The following KLHDC2 variants were observed in gnomAD, a reference collection of about 807,000 sequenced individuals.
KLHDC2 encodes the protein kelch domain-containing protein 2.
A neutral mutation model predicts 62.3 loss-of-function variants in KLHDC2; 38 were observed. The observed-to-expected ratio is 0.61, with a 90% confidence interval of 0.47 to 0.80. The LOEUF is 0.80. KLHDC2 is among the 30% of genes least tolerant of loss of function. The probability of loss-of-function intolerance (pLI) is 0.00; values close to 1 mark genes in which losing one functional copy is unlikely to be tolerated. For synonymous variants in KLHDC2, 159 were observed against 161.0 expected, an observed-to-expected ratio of 0.99 and a Z score of 0.09; for missense variants, 430 against 495.3, an observed-to-expected ratio of 0.87 and a Z score of 1.25.
intron 3 of KLHDC2, among the ~76,000 whole-genome samples, 192 bp from the exon 4 acceptor site, chr14:49,777,647 T>G (rs1242650751): frequency 6.6e-6 from 1 of 152,026 alleles, no homozygotes; most frequent in Non-Finnish European, 1.5e-5. Context: ...GCGTGCTTAG[T>G]GACTTAGGAA....
Position 49,780,341 on chromosome 14 carries a change from T to G in KLHDC2, c.883+19T>G. On this transcript the variant is annotated intron_variant, in intron 9 of 12. Coordinates refer to ENST00000298307, the MANE Select transcript of KLHDC2 (RefSeq NM_014315.3). ...CCACTAAGTAAGTCCTTGAAAAATATGATAATGAAATCATCATATATCATC... is the reference window on the plus strand; with the variant it reads ...CCACTAAGTAAGTCCTTGAAAAATAGGATAATGAAATCATCATATATCATC... 1 of 1,419,376 alleles carries G rather than the reference T, an allele frequency of 7.0e-7. No individual in the cohort carries two copies. The highest frequency in any genetic ancestry group is 1.0e-6 in the Non-Finnish European group (1 of 1,002,582). 87.9% of individuals were successfully genotyped at this position (1,419,376 alleles called of 1,614,324 possible). A position where few individuals can be genotyped will look rare whatever the true frequency, so the allele number is the denominator to read the frequency against.
chr14:49,773,413 CAA>C (rs34740472), intron 2 of KLHDC2, among the ~76,000 whole-genome samples: 1 of 70,126 alleles, frequency 1.4e-5, no homozygotes, highest in Non-Finnish European at 2.5e-5. Context: ...GACTCCATCT[CAA>C]AAAAAAAAAA....
At chr14:49,777,440 G>T (rs1889795620) in intron 3 of KLHDC2, among the ~76,000 whole-genome samples, 1 of 152,080 alleles carries the variant, frequency 6.6e-6, no homozygotes, top group African/African-American at 2.4e-5. Flanking sequence ...AAAATGTACG[G>T]CTGTCTTAGC....
In KLHDC2 at chr14:49,785,012, T is replaced by C; in HGVS notation, c.*2059T>C. Reference sequence around the variant, plus strand: ...TCAAGGCTGTTTTTGCAGCTGTAAATACAAAAAAGAGTAAGAATAATCTAC... The same window carrying C: ...TCAAGGCTGTTTTTGCAGCTGTAAACACAAAAAAGAGTAAGAATAATCTAC... On this transcript the variant is annotated 3_prime_UTR_variant, in exon 13 of 13. Coordinates refer to ENST00000298307, the MANE Select transcript of KLHDC2 (RefSeq NM_014315.3). 6.2e-7 allele frequency: 1 copy of C among 1,612,356 alleles called. No homozygotes were observed. The highest frequency in any genetic ancestry group is 8.5e-7 in the Non-Finnish European group (1 of 1,178,714).
At chr14:49,781,301 A>C (rs1434418003) in intron 10 of KLHDC2, among the ~76,000 whole-genome samples, 1 of 145,492 alleles carries the variant, frequency 6.9e-6, no homozygotes, top group Non-Finnish European at 1.5e-5. Context: ...CCAGGAAGGC[A>C]GAGGTTGCAG....
intron 2 of KLHDC2, among the ~76,000 whole-genome samples, chr14:49,773,924 A>G (rs1402993524): frequency 6.6e-6 from 1 of 152,252 alleles, no homozygotes; most frequent in African/African-American, 2.4e-5. Context: ...TTTTAAGTTT[A>G]GCAAAGATAA....
At chr14:49,781,150 A>G (rs1889891421) in intron 10 of KLHDC2, among the ~76,000 whole-genome samples, 1 of 152,066 alleles carries the variant, frequency 6.6e-6, no homozygotes, top group African/African-American at 2.4e-5. Context: ...AGGCAGGTGG[A>G]TCACCTGAGG....
Position 49,783,167 on chromosome 14 carries a change from T to A in KLHDC2, c.*214T>A. 2.7e-6 allele frequency: 1 copy of A among 370,058 alleles called. No individual in the cohort carries two copies. The highest frequency in any genetic ancestry group is 4.8e-6 in the Non-Finnish European group (1 of 209,758). 22.9% of individuals were successfully genotyped at this position (370,058 alleles called of 1,614,324 possible). A position where few individuals can be genotyped will look rare whatever the true frequency, so the allele number is the denominator to read the frequency against. On this transcript the variant is annotated 3_prime_UTR_variant, in exon 13 of 13. Coordinates refer to ENST00000298307, the MANE Select transcript of KLHDC2 (RefSeq NM_014315.3). ...GCTGTCCTCTATTAAAGTAAAGTAA[T>A]GGTTGGGCTTTTTACCCTGAAGAAT...
chr14:49,768,942 T>C, intron 1 of KLHDC2: 1 of 294,904 alleles, frequency 3.4e-6, no homozygotes, highest in Non-Finnish European at 6.3e-6. Flanking sequence ...GGGCGGTGCA[T>C]TCGGAAGGGT....
chr14:49,768,596 A>G lies in KLHDC2; in HGVS notation c.128A>G (p.His43Arg). The G allele has an allele frequency of 1.2e-6, 2 of 1,601,004 alleles. No homozygotes were observed. Among genetic ancestry groups the G allele is most frequent in the Non-Finnish European group, 1.7e-6 (2 of 1,174,868 alleles). Residue 43 changes from histidine to arginine, a missense_variant, in exon 1 of 13, where the codon CAC becomes CGC. Transcript: ENST00000298307. ...CACGTAGCCGTCAGCGACGGGCGCC[A>G]CATGTTCGTCTGGGGCGGCTACAAG... Reference protein sequence around the residue: ...SGHVAVSDGRHMFVWGGYKSN... With the variant: ...SGHVAVSDGRRMFVWGGYKSN...
chr14:49,774,754 T>G, intron 3 of KLHDC2, 76 bp downstream of exon 3: 1 of 879,156 alleles, frequency 1.1e-6, no homozygotes, highest in Non-Finnish European at 1.9e-6. Context: ...ATTTCTAAGG[T>G]TAGCCCCAGA....
rs527450591 is a variant in KLHDC2, at chr14:49,771,310, G to A, written c.154-284G>A. Reference sequence around the variant, plus strand: ...ATTGCAGTGAGCCAGCCAAGATTGCGCCACTGCACTCCATCCTGAGCAATA... The same window carrying A: ...ATTGCAGTGAGCCAGCCAAGATTGCACCACTGCACTCCATCCTGAGCAATA... On this transcript the variant is annotated intron_variant, in intron 1 of 12. Coordinates refer to ENST00000298307, the MANE Select transcript of KLHDC2 (RefSeq NM_014315.3). Among the ~76,000 whole-genome samples, 274 of 151,226 alleles carry A rather than the reference G, an allele frequency of 1.8e-3. 1 individual carries two copies. Among genetic ancestry groups the A allele is most frequent in the African/African-American group, 6.3e-3 (261 of 41,120 alleles).
In KLHDC2 at chr14:49,784,677, T is replaced by G. The variant is rs1357534492; in HGVS notation, c.*1724T>G. Reference sequence around the variant, plus strand: ...TTCAGAAGATTGGGTGCAGACACTTTCACTTTGCCAGGAATGTTTCTTGAT... The same window carrying G: ...TTCAGAAGATTGGGTGCAGACACTTGCACTTTGCCAGGAATGTTTCTTGAT... On this transcript the variant is annotated 3_prime_UTR_variant, in exon 13 of 13. Transcript: ENST00000298307. The G allele has an allele frequency of 6.2e-7, 1 of 1,612,796 alleles. No homozygotes were observed. Among genetic ancestry groups the G allele is most frequent in the African/African-American group, 1.3e-5 (1 of 75,016 alleles).
In KLHDC2 at chr14:49,785,083, T is replaced by C. The variant is rs1358255894; in HGVS notation, c.*2130T>C. ...TAAAATCATAATTCAAAAAAACAAA[T>C]TTAAATACCTTTTCCCTTTTTCTGC... is the stretch of plus-strand genomic sequence containing the variant. On this transcript the variant is annotated 3_prime_UTR_variant, in exon 13 of 13. Transcript: ENST00000298307. 1 of 1,606,720 alleles carries C rather than the reference T, an allele frequency of 6.2e-7. No homozygotes were observed. The highest frequency in any genetic ancestry group is 8.5e-7 in the Non-Finnish European group (1 of 1,173,532).
At position 49,782,572 on chromosome 14, in the gene KLHDC2, G is replaced by A; in HGVS notation, c.1075G>A (p.Val359Ile). Residue 359 changes from valine (V) to isoleucine (I), a missense_variant, in exon 12 of 13, where the codon GTT (valine) becomes ATT (isoleucine). Val to Ile is a conservative substitution (Grantham distance 29, BLOSUM62 3). Transcript: ENST00000298307. ...AHSNEILIFS[V>I]QPKSLVRLSL... ...CAGTAATGAAATACTAATATTTTCAGTTCAACCAAAATCTCTTGTACGGTA... is the reference window on the plus strand; with the variant it reads ...CAGTAATGAAATACTAATATTTTCAATTCAACCAAAATCTCTTGTACGGTA... 6.2e-7 allele frequency: 1 copy of A among 1,606,634 alleles called. No homozygotes were observed. The highest frequency in any genetic ancestry group is 8.5e-7 in the Non-Finnish European group (1 of 1,175,528).
rs754305762 is a variant in KLHDC2, at chr14:49,782,634, T to A, written c.1097+40T>A. 4.6e-6 allele frequency: 7 copies of A among 1,533,728 alleles called. No homozygotes were observed. The Admixed American group carries it at 1.3e-4, about 29-fold the overall frequency. On this transcript the variant is annotated intron_variant, in intron 12 of 12. Coordinates refer to ENST00000298307, the MANE Select transcript of KLHDC2 (RefSeq NM_014315.3). ...ACTTGGCACTTAGATTATTTAAAAT[T>A]GTGTTTCCTAAGACTTAGCACTCTC...
intron 2 of KLHDC2, among the ~76,000 whole-genome samples, chr14:49,772,549 G>C (rs1889685654): frequency 6.6e-6 from 1 of 152,196 alleles, no homozygotes; most frequent in Admixed American, 6.5e-5. Context: ...CAAAATGCTG[G>C]GTTAGCCATG....
chr14:49,780,325 A>C lies in KLHDC2; in HGVS notation c.883+3A>C. 4.0e-6 allele frequency: 6 copies of C among 1,507,820 alleles called. No individual in the cohort carries two copies. Among genetic ancestry groups the C allele is most frequent in the Non-Finnish European group, 5.5e-6 (6 of 1,083,260 alleles). The allele number at this position is 1,507,820 out of a possible 1,614,324, so 93.4% of individuals were successfully genotyped here. On this transcript the variant is annotated splice_donor_region_variant and intron_variant, in intron 9 of 12. Coordinates refer to ENST00000298307, the MANE Select transcript of KLHDC2 (RefSeq NM_014315.3). ...TACCACTGATAAACAGCCACTAAGT[A>C]AGTCCTTGAAAAATATGATAATGAA...
chr14:49,768,493 C>T lies in KLHDC2; in HGVS notation c.25C>T (p.Arg9Trp), dbSNP rs756750831. 1.2e-6 allele frequency: 2 copies of T among 1,609,746 alleles called. No homozygotes were observed. Among genetic ancestry groups the T allele is most frequent in the South Asian group, 1.1e-5 (1 of 90,264 alleles). MADGNEDL[R>W]ADDLPGPAFE... ...GATGGCTGATGGCAACGAGGATCTG[C>T]GGGCTGACGACTTGCCTGGGCCAGC... Residue 9 changes from arginine to tryptophan, a missense_variant, in exon 1 of 13, where the codon CGG becomes TGG. Physicochemically the swap from Arg to Trp is moderately radical, Grantham distance 101 (BLOSUM62 -3). Transcript: ENST00000298307.
Sources: gnomAD v4.1 joint callset for allele counts (sites outside exome capture counted in the v4.1 genomes callset) on GRCh38, gnomAD v4.1.1 for gene constraint, MANE v1.5 for transcripts, NCBI Gene and HGNC (gene_info 2026-07-23, HGNC 2026-07-21) for gene names.